The following WWOX variants were observed in gnomAD, a reference collection of about 807,000 sequenced individuals.
WWOX encodes WW domain containing oxidoreductase, also known as WW domain-containing oxidoreductase.
In WWOX, 69 loss-of-function variants were observed where a neutral mutation model predicts 46.2. That is an observed-to-expected ratio of 1.49 (90% CI 1.23 to 1.82). The LOEUF (loss-of-function observed/expected upper bound fraction) is 1.82. Ranked by LOEUF, WWOX falls within the 40% of genes most tolerant of loss-of-function variation. WWOX has a pLI of 0.00. For missense variants in WWOX, 919 were observed against 542.6 expected (o/e 1.69, Z -6.89); for synonymous variants, 359 against 202.6 (o/e 1.77, Z -6.56).
At chr16:78,672,677 G>C (rs540453297) in intron 8 of WWOX, among the ~76,000 whole-genome samples, 1 of 152,308 alleles carries the variant, frequency 6.6e-6, no homozygotes, top group Non-Finnish European at 1.5e-5. Flanking sequence ...AAAGTGATCG[G>C]ATGAAATTTT....
At chr16:79,087,661 A>G (rs2150593272) in intron 8 of WWOX, among the ~76,000 whole-genome samples, 1 of 152,314 alleles carries the variant, frequency 6.6e-6, no homozygotes, top group African/African-American at 2.4e-5. Context: ...CCATGGCAAC[A>G]CCCTAGATCG....
rs56382445 is a variant in WWOX at position 78,360,585 on chromosome 16, C to CA, written c.517-26261dup. On this transcript the variant is annotated intron_variant, in intron 5 of 8. Coordinates refer to ENST00000566780, the MANE Select transcript of WWOX (RefSeq NM_016373.4). Reference sequence around the variant, plus strand: ...TGGGCGACAGAGTGAGACTCTGTCTCAAAAAAAAAAAAAAGTTGCAGAAAT... The same window carrying CA: ...TGGGCGACAGAGTGAGACTCTGTCTCAAAAAAAAAAAAAAAGTTGCAGAAAT... 6.8e-4 allele frequency among the ~76,000 whole-genome samples: 59 copies of CA among 86,510 alleles called. 1 individual carries two copies. Among genetic ancestry groups the CA allele is most frequent in the South Asian group, 2.1e-3 (6 of 2,822 alleles). The allele number at this position is 86,510 out of a possible 152,430, so 56.8% of individuals were successfully genotyped here.
intron 4 of WWOX, among the ~76,000 whole-genome samples, chr16:78,156,520 A>G (rs1017937159): frequency 5.9e-5 from 9 of 152,326 alleles, no homozygotes; most frequent in African/African-American, 1.9e-4. Context: ...GTCTGCAAGA[A>G]CCATTTGTTT....
At chr16:78,822,358 G>C (rs909073226) in intron 8 of WWOX, among the ~76,000 whole-genome samples, 3 of 152,134 alleles carry the variant, frequency 2.0e-5, no homozygotes, top group South Asian at 4.1e-4. Flanking sequence ...GCCAGGTGTG[G>C]TGGCATGTGC....
intron 5 of WWOX, among the ~76,000 whole-genome samples, chr16:78,337,916 C>G (rs1649860289): frequency 8.7e-6 from 1 of 114,636 alleles, no homozygotes; most frequent in Non-Finnish European, 2.1e-5. Context: ...AGTGCCTGTC[C>G]TGCTAACCTC....
intron 5 of WWOX, among the ~76,000 whole-genome samples, chr16:78,285,386 A>G (rs961635927): frequency 5.9e-5 from 9 of 152,128 alleles, no homozygotes; most frequent in Admixed American, 6.5e-5. Flanking sequence ...TCAACATTAT[A>G]GTGAGCCACT....
intron 8 of WWOX, among the ~76,000 whole-genome samples, chr16:78,614,221 A>G (rs2151634491): frequency 6.6e-6 from 1 of 152,352 alleles, no homozygotes; most frequent in African/African-American, 2.4e-5. Flanking sequence ...TGAAAGAACT[A>G]TCTGTGTTGA....
At chr16:78,574,152 G>C (rs184068576) in intron 8 of WWOX, among the ~76,000 whole-genome samples, 123 of 152,294 alleles carry the variant, frequency 8.1e-4, no homozygotes, top group African/African-American at 2.9e-3. Flanking sequence ...TGAATATCTG[G>C]GCTTTTCCCA....
At chr16:78,107,387 AT>A (rs1205832689) in intron 1 of WWOX, among the ~76,000 whole-genome samples, 1 of 152,198 alleles carries the variant, frequency 6.6e-6, no homozygotes, top group Non-Finnish European at 1.5e-5. Context: ...TGTGTAACTG[AT>A]TTGTTCAGAA....
chr16:78,747,581 TGA>T (rs1367349451), intron 8 of WWOX, among the ~76,000 whole-genome samples: 1 of 152,208 alleles, frequency 6.6e-6, no homozygotes, highest in Admixed American at 6.5e-5. Flanking sequence ...CTTGGCAAGC[TGA>T]GTTACTTAGC....
intron 8 of WWOX, chr16:78,996,217 TG>T (rs745432490): frequency 1.0e-6 from 1 of 985,220 alleles, no homozygotes. Context: ...TTTGAAGACT[TG>T]TGGATAGAAG....
intron 5 of WWOX, among the ~76,000 whole-genome samples, chr16:78,274,782 G>A (rs906725672): frequency 2.6e-5 from 4 of 152,130 alleles, no homozygotes; most frequent in Admixed American, 1.3e-4. Flanking sequence ...TGGCCCCATC[G>A]TGGTATTCCC....
intron 8 of WWOX, among the ~76,000 whole-genome samples, chr16:78,851,875 C>G (rs2052452637): frequency 6.6e-6 from 1 of 152,078 alleles, no homozygotes; most frequent in African/African-American, 2.4e-5. Context: ...TTTATATATC[C>G]TTACATTTAT....
At chr16:78,912,265 A>G (rs1567643903) in intron 8 of WWOX, among the ~76,000 whole-genome samples, 1 of 152,022 alleles carries the variant, frequency 6.6e-6, no homozygotes, top group South Asian at 2.1e-4. Flanking sequence ...TAATCAGGAT[A>G]TATTCATTGA....
chr16:78,559,034 A>G (rs745565597), intron 8 of WWOX, among the ~76,000 whole-genome samples: 35 of 152,160 alleles, frequency 2.3e-4, no homozygotes, highest in Non-Finnish European at 4.1e-4. Flanking sequence ...CATCCACACA[A>G]GATCTGGCCG....
chr16:79,003,209 C>G (rs2047127694), intron 8 of WWOX, among the ~76,000 whole-genome samples: 1 of 152,310 alleles, frequency 6.6e-6, no homozygotes, highest in South Asian at 2.1e-4. Context: ...GAGAATCAGA[C>G]ATGGATAAGC....
intron 5 of WWOX, among the ~76,000 whole-genome samples, chr16:78,195,055 TG>T (rs2036005110): frequency 6.6e-6 from 1 of 152,186 alleles, no homozygotes; most frequent in Non-Finnish European, 1.5e-5. Flanking sequence ...TTCTGCTAAC[TG>T]GGACCCCAGT....
At chr16:78,984,476 A>G (rs2151337608) in intron 8 of WWOX, among the ~76,000 whole-genome samples, 1 of 152,308 alleles carries the variant, frequency 6.6e-6, no homozygotes. Flanking sequence ...AAGTGAATGG[A>G]TGGGTGTGGC....
intron 8 of WWOX, among the ~76,000 whole-genome samples, chr16:78,924,443 A>G (rs1240655204): frequency 6.6e-6 from 1 of 152,214 alleles, no homozygotes; most frequent in Non-Finnish European, 1.5e-5. Context: ...AAAGAATCCC[A>G]GCTTTGGAGT....
Sources: allele counts gnomAD v4.1 joint callset (sites outside exome capture counted in the v4.1 genomes callset), GRCh38; gene constraint gnomAD v4.1.1; transcripts MANE v1.5; gene names NCBI Gene and HGNC (gene_info 2026-07-23, HGNC 2026-07-21).